The following PDE4B variants were observed in gnomAD, a reference collection of about 807,000 sequenced individuals.
The protein encoded by PDE4B is phosphodiesterase 4B, also known as 3',5'-cyclic-AMP phosphodiesterase 4B.
A neutral mutation model predicts 82.2 loss-of-function variants in PDE4B; 20 were observed. That is an observed-to-expected ratio of 0.24 (90% CI 0.17 to 0.35). The LOEUF (loss-of-function observed/expected upper bound fraction) is 0.35. Among genes scored for constraint, PDE4B ranks in the 10% least tolerant of loss-of-function variants. The pLI is 1.00. For synonymous variants in PDE4B, 320 were observed against 318.9 expected (o/e 1.00, Z -0.04); for missense variants, 655 against 907.2 (o/e 0.72, Z 3.57).
chr1:65,887,202 C>A (rs1207033760), intron 1 of PDE4B, among the ~76,000 whole-genome samples: 1 of 11,148 alleles, frequency 9.0e-5, no homozygotes, highest in Non-Finnish European at 1.5e-4. Context: ...TTCTTTCTTT[C>A]TTTCTTTCTT....
rs553959759 is a variant in PDE4B at position 66,126,409 on chromosome 1, A to AC, written c.282-121045dup. Among the ~76,000 whole-genome samples, 17 of 152,232 alleles carry AC rather than the reference A, an allele frequency of 1.1e-4. No homozygotes were observed. The South Asian group carries it at 3.3e-3, about 30-fold the overall frequency. On this transcript the variant is annotated intron_variant, in intron 3 of 16. Transcript: ENST00000341517. ...TTTCACTATAGTATTTACTCTATGTACCCCCCTACACATTTTTAAACTTTA... is the reference window on the plus strand; with the variant it reads ...TTTCACTATAGTATTTACTCTATGTACCCCCCCTACACATTTTTAAACTTTA...
At chr1:66,315,650 G>A (rs144609685) in intron 7 of PDE4B, among the ~76,000 whole-genome samples, 60 of 152,130 alleles carry the variant, frequency 3.9e-4, no homozygotes, top group Non-Finnish European at 5.9e-4. Context: ...AATAGAGACC[G>A]GATTTCACCA....
intron 3 of PDE4B, among the ~76,000 whole-genome samples, chr1:65,965,965 GCATTCC>G (rs1174789750): frequency 5.9e-5 from 9 of 152,060 alleles, no homozygotes; most frequent in Non-Finnish European, 1.2e-4. Context: ...AAAGCTACAA[GCATTCC>G]CTTTTAAAAC....
chr1:66,311,621 C>T (rs1041825306), intron 7 of PDE4B, among the ~76,000 whole-genome samples: 11 of 152,352 alleles, frequency 7.2e-5, no homozygotes, highest in African/African-American at 2.2e-4. Flanking sequence ...CCTACCTCTC[C>T]GAGTGCCCAG....
chr1:66,130,322 G>C (rs1209256964), intron 3 of PDE4B, among the ~76,000 whole-genome samples: 1 of 152,220 alleles, frequency 6.6e-6, no homozygotes, highest in Non-Finnish European at 1.5e-5. Context: ...TGTGGCATTT[G>C]TAAAACGTTC....
chr1:65,870,011 T>G (rs1646555674), intron 1 of PDE4B, among the ~76,000 whole-genome samples: 1 of 152,214 alleles, frequency 6.6e-6, no homozygotes, highest in Non-Finnish European at 1.5e-5. Context: ...GTTTGAGAAC[T>G]AAGACAGCTC....
chr1:66,182,463 TTTAA>T (rs1211013791), intron 3 of PDE4B, among the ~76,000 whole-genome samples: 2 of 152,208 alleles, frequency 1.3e-5, no homozygotes, highest in Admixed American at 6.5e-5. Context: ...CATTCTCTTA[TTTAA>T]TTCAGTTTTA....
At chr1:65,841,764 A>C (rs565588518) in intron 1 of PDE4B, among the ~76,000 whole-genome samples, 9 of 152,298 alleles carry the variant, frequency 5.9e-5, no homozygotes, top group African/African-American at 2.2e-4. Context: ...TTTTTAGTGT[A>C]ACATACAAAA....
intron 3 of PDE4B, 81 bp downstream of exon 3, chr1:65,918,916 G>A: frequency 3.4e-6 from 3 of 879,330 alleles, no homozygotes; most frequent in Non-Finnish European, 5.6e-6. Flanking sequence ...GTATTAAAAT[G>A]TGAGTTTTCT....
intron 7 of PDE4B, among the ~76,000 whole-genome samples, chr1:66,313,006 C>G (rs1402311257): frequency 6.6e-6 from 1 of 152,174 alleles, no homozygotes; most frequent in Non-Finnish European, 1.5e-5. Context: ...AATTACAACC[C>G]CAACCCCACT....
intron 3 of PDE4B, among the ~76,000 whole-genome samples, chr1:66,201,207 T>C (rs1321781715): frequency 6.6e-6 from 1 of 152,204 alleles, no homozygotes; most frequent in African/African-American, 2.4e-5. Flanking sequence ...CACTTGATCA[T>C]GGTGGATAAG....
chr1:66,003,434 A>G (rs1651976880), intron 3 of PDE4B, among the ~76,000 whole-genome samples: 2 of 152,206 alleles, frequency 1.3e-5, no homozygotes, highest in African/African-American at 4.8e-5. Flanking sequence ...ACTTGTACCA[A>G]TAAGCTTAAA....
At chr1:66,116,533 G>T (rs1211628833) in intron 3 of PDE4B, among the ~76,000 whole-genome samples, 2 of 152,032 alleles carry the variant, frequency 1.3e-5, no homozygotes, top group Non-Finnish European at 2.9e-5. Context: ...TGGACTGAGG[G>T]TGTCAACATC....
intron 1 of PDE4B, among the ~76,000 whole-genome samples, chr1:65,887,771 T>C (rs909199860): frequency 6.6e-6 from 1 of 152,060 alleles, no homozygotes; most frequent in African/African-American, 2.4e-5. Flanking sequence ...TTTTGAGAAA[T>C]GTCAATTTAT....
intron 1 of PDE4B, among the ~76,000 whole-genome samples, chr1:65,872,259 G>A (rs1022524978): frequency 6.6e-6 from 1 of 152,062 alleles, no homozygotes; most frequent in African/African-American, 2.4e-5. Context: ...CAGGAAAGTG[G>A]TCACATTTAC....
intron 3 of PDE4B, among the ~76,000 whole-genome samples, chr1:66,182,195 G>A (rs796717608): frequency 7.9e-5 from 12 of 152,164 alleles, no homozygotes; most frequent in African/African-American, 2.6e-4. Context: ...TTGTCACAGG[G>A]TTTTTCGGTG....
In PDE4B at chr1:66,320,923, T is replaced by C. The variant is rs78338028; in HGVS notation, c.635-11585T>C. Among the ~76,000 whole-genome samples the C allele has an allele frequency of 2.4e-4, 37 of 152,252 alleles. No homozygotes were observed. The East Asian group carries it at 4.4e-3, about 18-fold the overall frequency. ...GGAAGAGCTAGCCAGGTGAACAAAG[T>C]TGGGAAAGGCATTTTAGGCAGATAG... On this transcript the variant is annotated intron_variant, in intron 7 of 16. Coordinates refer to ENST00000341517, the MANE Select transcript of PDE4B (RefSeq NM_002600.4).
intron 3 of PDE4B, among the ~76,000 whole-genome samples, chr1:65,995,911 T>C (rs1651515749): frequency 6.6e-6 from 1 of 152,214 alleles, no homozygotes; most frequent in South Asian, 2.1e-4. Context: ...GCAGTTTATA[T>C]GCAAACCCAC....
chr1:66,184,999 C>G (rs1647153828), intron 3 of PDE4B, among the ~76,000 whole-genome samples: 1 of 152,086 alleles, frequency 6.6e-6, no homozygotes, highest in Non-Finnish European at 1.5e-5. Context: ...CTCCTCCCAC[C>G]CCACAACAGG....
Sources: gnomAD v4.1 joint callset for allele counts (sites outside exome capture counted in the v4.1 genomes callset) on GRCh38, gnomAD v4.1.1 for gene constraint, MANE v1.5 for transcripts, NCBI Gene and HGNC (gene_info 2026-07-23, HGNC 2026-07-21) for gene names.